KLHDC9: variants seen among roughly 807,000 people sequenced by gnomAD.
The protein encoded by KLHDC9 is kelch domain containing 9.
KLHDC9 carries 26 observed loss-of-function variants against 31.5 expected under a neutral mutation model. That is an observed-to-expected ratio of 0.83 (90% CI 0.61 to 1.15). KLHDC9 has a LOEUF of 1.15. KLHDC9 is among the 50% of genes most tolerant of loss of function. The pLI is 0.00. For missense variants in KLHDC9, 437 were observed against 467.7 expected (o/e 0.93, Z 0.61); for synonymous variants, 176 against 184.7 (o/e 0.95, Z 0.38).
At chr1:161,099,319 C>G (rs1489491204) in intron 1 of KLHDC9, 27 bp from the exon 2 acceptor site, 1 of 1,613,874 alleles carries the variant, frequency 6.2e-7, no homozygotes, top group African/African-American at 1.3e-5. Context: ...AAAACCCACT[C>G]AGCCCTGAAT....
rs142627560 is a variant in KLHDC9, at chr1:161,100,091, C to T, written c.917C>T (p.Pro306Leu). 1.7e-3 allele frequency: 2,811 copies of T among 1,614,222 alleles called. 6 individuals are homozygous for T. Among genetic ancestry groups the T allele is most frequent in the Non-Finnish European group, 2.1e-3 (2,534 of 1,180,042 alleles). ...TCTCCTCCTTTGTGGTTCCACTTCC[C>T]CTGTGCAGATCGTGGGATGAAACGC... The part of the protein sequence containing the change: ...RTSPPLWFHF[P>L]CADRGMKRMG... The change falls in exon 4 of 4, where the codon CCC (proline) becomes CTC (leucine). Residue 306 changes from proline to leucine, a missense_variant. Transcript: ENST00000368011.
At chr1:161,099,319 C>T (rs1489491204) in intron 1 of KLHDC9, 27 bp from the exon 2 acceptor site, 1 of 1,613,992 alleles carries the variant, frequency 6.2e-7, no homozygotes, top group Admixed American at 1.7e-5. Context: ...AAAACCCACT[C>T]AGCCCTGAAT....
rs1183933597 is a variant in KLHDC9, at chr1:161,098,968, C to G, written c.433C>G (p.Leu145Val). Residue 145 changes from leucine (L) to valine (V), a missense_variant, in exon 1 of 4, where the codon CTG becomes GTG. By Grantham distance (32) the Leu-to-Val change is conservative. Coordinates refer to ENST00000368011, the MANE Select transcript of KLHDC9 (RefSeq NM_152366.5). The surrounding 1 kb of genome is among the most constrained non-coding windows in gnomAD (Gnocchi z 6.3). ...HTCTRISDRE[L>V]QVAGREGGIH... The stretch of plus-strand genomic sequence containing the variant: ...CTGCACCCGAATCTCTGACCGAGAG[C>G]TGCAGGTGGCTGGCCGGGAGGGCGG... The G allele has an allele frequency of 2.8e-5, 45 of 1,588,910 alleles. No homozygotes were observed. Among genetic ancestry groups the G allele is most frequent in the Non-Finnish European group, 3.8e-5 (45 of 1,174,618 alleles).
In KLHDC9 at chr1:161,100,055, C is replaced by T. The variant is rs1441428287; in HGVS notation, c.887-6C>T. The T allele has an allele frequency of 2.5e-6, 4 of 1,613,872 alleles. No individual in the cohort carries two copies. In the African/African-American group the frequency reaches 5.3e-5, roughly 22 times the overall value. On this transcript the variant is annotated splice_polypyrimidine_tract_variant and splice_region_variant and intron_variant, in intron 3 of 3. Coordinates refer to ENST00000368011, the MANE Select transcript of KLHDC9 (RefSeq NM_152366.5). ...TCAATAACCACCCTCTGCCCGTATC[C>T]AACAGGCACATCTCCTCCTTTGTGG...
At position 161,100,078 on chromosome 1, in the gene KLHDC9, T is replaced by A. The variant is rs1252767966; in HGVS notation, c.904T>A (p.Trp302Arg). ...TCCAACAGGCACATCTCCTCCTTTG[T>A]GGTTCCACTTCCCCTGTGCAGATCG... ...IYDTRTSPPL[W>R]FHFPCADRGM... Residue 302 changes from tryptophan to arginine, a missense_variant, in exon 4 of 4, where the codon TGG becomes AGG. Coordinates refer to ENST00000368011, the MANE Select transcript of KLHDC9 (RefSeq NM_152366.5). The A allele has an allele frequency of 1.9e-6, 3 of 1,614,094 alleles. No individual in the cohort carries two copies. The African/African-American group carries it at 4.0e-5, about 22-fold the overall frequency.
Position 161,098,950 on chromosome 1 carries a change from C to A in KLHDC9, c.415C>A (p.Arg139=). The change falls in exon 1 of 4, where the codon CGA becomes AGA. Residue 139 remains arginine (R), a synonymous_variant. Transcript: ENST00000368011. The surrounding 1 kb of genome is among the most constrained non-coding windows in gnomAD (Gnocchi z 6.3). Reference sequence around the variant, plus strand: ...CGGCCTCAGTAGTCACACCTGCACCCGAATCTCTGACCGAGAGCTGCAGGT... The same window carrying A: ...CGGCCTCAGTAGTCACACCTGCACCAGAATCTCTGACCGAGAGCTGCAGGT... ...PAGLSSHTCT[R]ISDRELQVAG... is the part of the protein sequence containing the mutation. 6.3e-7 allele frequency: 1 copy of A among 1,587,322 alleles called. No individual in the cohort carries two copies. The highest frequency in any genetic ancestry group is 2.3e-5 in the East Asian group (1 of 43,844).
Position 161,098,936 on chromosome 1 carries a change from G to T in KLHDC9, c.401G>T (p.Ser134Ile). 1 of 1,583,632 alleles carries T rather than the reference G, an allele frequency of 6.3e-7. No individual in the cohort carries two copies. Among genetic ancestry groups the T allele is most frequent in the Admixed American group, 1.7e-5 (1 of 57,824 alleles). ...PGDCPPAGLS[S>I]HTCTRISDRE... is the part of the protein sequence containing the mutation. ...GACTGCCCCCCCGCCGGCCTCAGTA[G>T]TCACACCTGCACCCGAATCTCTGAC... Residue 134 changes from serine (S) to isoleucine (I), a missense_variant, in exon 1 of 4, where the codon AGT becomes ATT. Transcript: ENST00000368011. The surrounding 1 kb of genome is among the most constrained non-coding windows in gnomAD (Gnocchi z 6.3).
At chr1:161,099,124 A>T (rs1202356473) in intron 1 of KLHDC9, 62 bp downstream of exon 1, 1 of 1,536,744 alleles carries the variant, frequency 6.5e-7, no homozygotes, top group Non-Finnish European at 8.8e-7. Context: ...ACAAAAGCCT[A>T]AGCAGATTTC....
chr1:161,100,285 C>A lies in KLHDC9; in HGVS notation c.*61C>A. 6.8e-7 allele frequency: 1 copy of A among 1,480,798 alleles called. No individual in the cohort carries two copies. The highest frequency in any genetic ancestry group is 9.3e-7 in the Non-Finnish European group (1 of 1,074,064). 91.7% of individuals were successfully genotyped at this position (1,480,798 alleles called of 1,614,324 possible). A position where few individuals can be genotyped will look rare whatever the true frequency, so the allele number is the denominator to read the frequency against. On this transcript the variant is annotated 3_prime_UTR_variant, in exon 4 of 4. Coordinates refer to ENST00000368011, the MANE Select transcript of KLHDC9 (RefSeq NM_152366.5). ...TTTGCTTTGTTGCAAACCTATAAAG[C>A]GTTATCACCAGAGCTATCTGCTTCA...
Position 161,099,686 on chromosome 1 carries a change from T to C in KLHDC9, c.776T>C (p.Leu259Pro). Reference protein sequence around the residue: ...GQGSQKGPHGLRHHSCSVVGP... With the variant: ...GQGSQKGPHGPRHHSCSVVGP... Reference sequence around the variant, plus strand: ...GGGTCCCAGAAGGGGCCCCATGGACTACGGCATCACTCATGTTCTGTGGTC... The same window carrying C: ...GGGTCCCAGAAGGGGCCCCATGGACCACGGCATCACTCATGTTCTGTGGTC... The change falls in exon 3 of 4, where the codon CTA becomes CCA. Residue 259 changes from leucine (L) to proline (P), a missense_variant. Coordinates refer to ENST00000368011, the MANE Select transcript of KLHDC9 (RefSeq NM_152366.5). The C allele has an allele frequency of 6.2e-7, 1 of 1,614,232 alleles. No individual in the cohort carries two copies. Among genetic ancestry groups the C allele is most frequent in the Non-Finnish European group, 8.5e-7 (1 of 1,180,032 alleles).
At position 161,098,814 on chromosome 1, in the gene KLHDC9, C is replaced by A; in HGVS notation, c.279C>A (p.Cys93Ter). Residue 93 changes from cysteine to a stop codon, truncating the protein, a stop_gained, in exon 1 of 4, where the codon TGC becomes TGA. Transcript: ENST00000368011. LOFTEE classifies it high-confidence loss of function. This position sits in a 1 kb window ranked among gnomAD's most constrained non-coding sequence, Gnocchi z 6.3. ...CACCCGTGGACGGGCGTTGGCTCTGCGTGGTGGGCGGCTGGGACGGGTCTC... is the reference window on the plus strand; with the variant it reads ...CACCCGTGGACGGGCGTTGGCTCTGAGTGGTGGGCGGCTGGGACGGGTCTC... The part of the protein sequence containing the change: ...DAAPVDGRWL[C>*]VVGGWDGSRR... The A allele has an allele frequency of 6.3e-7, 1 of 1,582,842 alleles. No homozygotes were observed. Among genetic ancestry groups the A allele is most frequent in the Non-Finnish European group, 8.6e-7 (1 of 1,164,592 alleles).
At position 161,098,509 on chromosome 1, in the gene KLHDC9, C is replaced by T. The variant is rs1654410371; in HGVS notation, c.-27C>T. ...AGGGGCTCGTTCCAAGCCGCAGACC[C>T]CACCGCCCTCCCTCTCCCCGGGGCC... is the stretch of plus-strand genomic sequence containing the variant. On this transcript the variant is annotated 5_prime_UTR_variant, in exon 1 of 4. Coordinates refer to ENST00000368011, the MANE Select transcript of KLHDC9 (RefSeq NM_152366.5). The surrounding 1 kb of genome is among the most constrained non-coding windows in gnomAD (Gnocchi z 6.3). The T allele has an allele frequency of 6.5e-7, 1 of 1,527,920 alleles. No individual in the cohort carries two copies. Among genetic ancestry groups the T allele is most frequent in the Non-Finnish European group, 8.8e-7 (1 of 1,134,788 alleles). 94.6% of individuals were successfully genotyped at this position (1,527,920 alleles called of 1,614,324 possible).
Position 161,098,547 on chromosome 1 carries a change from C to A in KLHDC9, c.12C>A (p.Ala4=). 6.4e-7 allele frequency: 1 copy of A among 1,552,660 alleles called. No individual in the cohort carries two copies. Among genetic ancestry groups the A allele is most frequent in the Non-Finnish European group, 8.7e-7 (1 of 1,147,318 alleles). Residue 4 remains alanine, a synonymous_variant, in exon 1 of 4, where the codon GCC becomes GCA. Coordinates refer to ENST00000368011, the MANE Select transcript of KLHDC9 (RefSeq NM_152366.5). The surrounding 1 kb of genome is among the most constrained non-coding windows in gnomAD (Gnocchi z 6.3). Reference sequence around the variant, plus strand: ...TCTCCCCGGGGCCCATGGCGGTGGCCGTGCCCCCGGGTCGGGCCGCAGGCT... The same window carrying A: ...TCTCCCCGGGGCCCATGGCGGTGGCAGTGCCCCCGGGTCGGGCCGCAGGCT... MAV[A]VPPGRAAGSG... is the part of the protein sequence containing the mutation.
chr1:161,098,785 G>A lies in KLHDC9; in HGVS notation c.250G>A (p.Ala84Thr), dbSNP rs189581211. Residue 84 changes from alanine to threonine, a missense_variant, in exon 1 of 4, where the codon GCG becomes ACG. Ala to Thr is a moderately conservative substitution (Grantham distance 58). Coordinates refer to ENST00000368011, the MANE Select transcript of KLHDC9 (RefSeq NM_152366.5). The surrounding 1 kb of genome is among the most constrained non-coding windows in gnomAD (Gnocchi z 6.3). ...RGSPPRSHHDAAPVDGRWLCV... is the reference protein window; with the variant it reads ...RGSPPRSHHDTAPVDGRWLCV... ...CAGCCCCCCGCGCAGTCACCACGAC[G>A]CGGCACCCGTGGACGGGCGTTGGCT... 8.8e-6 allele frequency: 14 copies of A among 1,594,822 alleles called. No homozygotes were observed. The East Asian group carries it at 3.2e-4, about 37-fold the overall frequency.
At position 161,098,614 on chromosome 1, in the gene KLHDC9, G is replaced by T; in HGVS notation, c.79G>T (p.Ala27Ser). Reference sequence around the variant, plus strand: ...GCCAGTGGCGCGGGACGCGCTTTTGGCTAGAGCTTTCCATTCATGCACCGA... The same window carrying T: ...GCCAGTGGCGCGGGACGCGCTTTTGTCTAGAGCTTTCCATTCATGCACCGA... Reference protein sequence around the residue: ...WRPVARDALLARAFHSCTELR... With the variant: ...WRPVARDALLSRAFHSCTELR... The change falls in exon 1 of 4, where the codon GCT (alanine) becomes TCT (serine). Residue 27 changes from alanine to serine, a missense_variant. By Grantham distance (99) the Ala-to-Ser change is moderately conservative. Transcript: ENST00000368011. This position sits in a 1 kb window ranked among gnomAD's most constrained non-coding sequence, Gnocchi z 6.3. 1 of 1,606,270 alleles carries T rather than the reference G, an allele frequency of 6.2e-7. No homozygotes were observed. Among genetic ancestry groups the T allele is most frequent in the Non-Finnish European group, 8.5e-7 (1 of 1,176,422 alleles).
chr1:161,100,293 C>G lies in KLHDC9; in HGVS notation c.*69C>G, dbSNP rs150400912. On this transcript the variant is annotated 3_prime_UTR_variant, in exon 4 of 4. Transcript: ENST00000368011. ...GTTGCAAACCTATAAAGCGTTATCA[C>G]CAGAGCTATCTGCTTCACTTCAAAT... 5 of 1,408,466 alleles carry G rather than the reference C, an allele frequency of 3.5e-6. No individual in the cohort carries two copies. In the East Asian group the frequency reaches 1.2e-4, roughly 33 times the overall value. The allele number at this position is 1,408,466 out of a possible 1,614,324, so 87.2% of individuals were successfully genotyped here.
Position 161,098,997 on chromosome 1 carries a change from C to T in KLHDC9, c.462C>T (p.Ile154=). The T allele has an allele frequency of 6.3e-7, 1 of 1,594,898 alleles. No homozygotes were observed. Among genetic ancestry groups the T allele is most frequent in the African/African-American group, 1.3e-5 (1 of 74,738 alleles). Residue 154 remains isoleucine (I), a synonymous_variant, in exon 1 of 4, where the codon ATC becomes ATT. Coordinates refer to ENST00000368011, the MANE Select transcript of KLHDC9 (RefSeq NM_152366.5). The surrounding 1 kb of genome is among the most constrained non-coding windows in gnomAD (Gnocchi z 6.3). The part of the protein sequence containing the change: ...ELQVAGREGG[I]HTQRRYGSIY... ...AGGTGGCTGGCCGGGAGGGCGGTATCCACACTCAGCGACGCTATGGAAGCA... is the reference window on the plus strand; with the variant it reads ...AGGTGGCTGGCCGGGAGGGCGGTATTCACACTCAGCGACGCTATGGAAGCA...
intron 1 of KLHDC9, 58 bp downstream of exon 1, chr1:161,099,120 G>A (rs1654450135): frequency 6.5e-7 from 1 of 1,547,198 alleles, no homozygotes; most frequent in Admixed American, 1.8e-5. Flanking sequence ...AAAAACAAAA[G>A]CCTAAGCAGA....
At chr1:161,099,276 C>T (rs778303485) in intron 1 of KLHDC9, 70 bp from the exon 2 acceptor site, 1 of 1,579,372 alleles carries the variant, frequency 6.3e-7, no homozygotes, top group Non-Finnish European at 8.7e-7. Context: ...TCCATCCATC[C>T]TTGGCAAGGG....
Sources: allele counts gnomAD v4.1 joint callset, GRCh38; gene constraint gnomAD v4.1.1; non-coding constraint Gnocchi (gnomAD v3.1); transcripts MANE v1.5; gene names NCBI Gene and HGNC (gene_info 2026-07-23, HGNC 2026-07-21).